The following INO80 variants were observed in gnomAD, a reference collection of about 807,000 sequenced individuals.
The protein encoded by INO80 is chromatin-remodeling ATPase INO80.
A neutral mutation model predicts 203.4 loss-of-function variants in INO80; 20 were observed. The ratio of observed to expected loss-of-function variants is 0.10; its 90% CI spans 0.07 to 0.14. INO80 has a LOEUF of 0.14. Ranked by LOEUF, INO80 falls within the 10% of genes least tolerant of loss-of-function variation. The pLI, the probability that INO80 is intolerant of heterozygous loss-of-function variation, is 1.00. For missense variants in INO80, 1,419 were observed against 1,914.4 expected (o/e 0.74, Z 4.83); for synonymous variants, 726 against 685.2 (o/e 1.06, Z -0.93).
At position 41,066,058 on chromosome 15, in the gene INO80, A is replaced by C. The variant is rs563176635; in HGVS notation, c.1782+3512T>G. On this transcript the variant is annotated intron_variant, in intron 14 of 35. Coordinates refer to ENST00000648947, the MANE Select transcript of INO80 (RefSeq NM_017553.3). Reference sequence around the variant, plus strand: ...CCCAGGCACAATCTCGGCTCACCACAACCTCTGCCTCCTGGGTTCAAGCGA... The same window carrying C: ...CCCAGGCACAATCTCGGCTCACCACCACCTCTGCCTCCTGGGTTCAAGCGA... Among the ~76,000 whole-genome samples, 403 of 149,204 alleles carry C rather than the reference A, an allele frequency of 2.7e-3. 2 individuals are homozygous for C. The highest frequency in any genetic ancestry group is 4.9e-3 in the Non-Finnish European group (328 of 67,616).
chr15:41,067,251 A>T (rs2045237412), intron 14 of INO80, among the ~76,000 whole-genome samples: 1 of 151,840 alleles, frequency 6.6e-6, no homozygotes, highest in Non-Finnish European at 1.5e-5. Flanking sequence ...TGATTTTTGT[A>T]TTTTTAGTAG....
chr15:41,061,741 GAATC>G (rs1396713420), intron 14 of INO80, among the ~76,000 whole-genome samples: 1 of 152,022 alleles, frequency 6.6e-6, no homozygotes, highest in African/African-American at 2.4e-5. Context: ...AATTATAAAA[GAATC>G]AAAGCGAATT....
At chr15:41,029,922 C>T (rs776930224) in intron 24 of INO80, among the ~76,000 whole-genome samples, 2 of 152,202 alleles carry the variant, frequency 1.3e-5, no homozygotes, top group Non-Finnish European at 2.9e-5. Flanking sequence ...CTGCTCATCA[C>T]CGCCAGCTAA....
rs1053676666 is a variant in INO80, at chr15:41,085,492, G to C, written c.750C>G (p.Val250=). The C allele has an allele frequency of 6.2e-7, 1 of 1,614,196 alleles. No homozygotes were observed. Among genetic ancestry groups the C allele is most frequent in the Non-Finnish European group, 8.5e-7 (1 of 1,180,044 alleles). ...GTGCATCGTGAGAAAACTTGGCAAAGACTTTGGTCTGGTGGTGATGGCGAC... is the reference window on the plus strand; with the variant it reads ...GTGCATCGTGAGAAAACTTGGCAAACACTTTGGTCTGGTGGTGATGGCGAC... ...SPRRHHHQTK[V]FAKFSHDAPP... Residue 250 remains valine, a synonymous_variant, in exon 7 of 36, where the codon GTC becomes GTG. Transcript: ENST00000648947.
intron 29 of INO80, among the ~76,000 whole-genome samples, chr15:40,988,235 TG>T (rs1294307505): frequency 6.6e-6 from 1 of 152,216 alleles, no homozygotes; most frequent in African/African-American, 2.4e-5. Flanking sequence ...TAAAACGTAG[TG>T]TTTAGTACAT....
chr15:41,024,139 G>C (rs1224305625), intron 25 of INO80, among the ~76,000 whole-genome samples: 1 of 152,074 alleles, frequency 6.6e-6, no homozygotes, highest in Non-Finnish European at 1.5e-5. Context: ...CCAGGTCTAG[G>C]ATTGAATGCT....
rs377154142 is a variant in INO80 at position 41,066,730 on chromosome 15, T to C, written c.1782+2840A>G. On this transcript the variant is annotated intron_variant, in intron 14 of 35. Transcript: ENST00000648947. The stretch of plus-strand genomic sequence containing the variant: ...CGGTAGTCCTAGCTACTTGGGAGGC[T>C]GATGTGGGAGAATGGCTTGAGGTGG... 3.4e-5 allele frequency among the ~76,000 whole-genome samples: 5 copies of C among 149,140 alleles called. No homozygotes were observed. The East Asian group carries it at 9.9e-4, about 30-fold the overall frequency.
At chr15:41,008,220 T>TACACACACACACACAC (rs1195483829) in intron 27 of INO80, among the ~76,000 whole-genome samples, 1 of 30,052 alleles carries the variant, frequency 3.3e-5, no homozygotes, top group African/African-American at 8.8e-5. Flanking sequence ...GTGATATATA[T>TACACACACACACACAC]ACATACACAC....
intron 31 of INO80, among the ~76,000 whole-genome samples, chr15:40,985,899 C>T (rs889749884): frequency 1.3e-5 from 2 of 152,080 alleles, no homozygotes; most frequent in Non-Finnish European, 2.9e-5. Context: ...CACAGCAAAA[C>T]TCTGTCTAAA....
intron 26 of INO80, among the ~76,000 whole-genome samples, chr15:41,019,973 G>C (rs2044266042): frequency 6.6e-6 from 1 of 152,200 alleles, no homozygotes; most frequent in Non-Finnish European, 1.5e-5. Flanking sequence ...TGTAATCCCA[G>C]CACTTTGGGA....
Position 41,115,363 on chromosome 15 carries a change from T to C in INO80, c.-44+610A>G, listed in dbSNP as rs569733475. Among the ~76,000 whole-genome samples the C allele has an allele frequency of 7.2e-5, 11 of 152,294 alleles. No homozygotes were observed. In the East Asian group the frequency reaches 9.6e-4, roughly 13 times the overall value. ...CTCAAGAAGGAATGTCAAAATAGGATGACACTTTCCTAGTCGCTATGTAAA... is the reference window on the plus strand; with the variant it reads ...CTCAAGAAGGAATGTCAAAATAGGACGACACTTTCCTAGTCGCTATGTAAA... On this transcript the variant is annotated intron_variant, in intron 1 of 35. Transcript: ENST00000648947.
In INO80 at chr15:41,105,201, A is replaced by G. The variant is rs117170888; in HGVS notation, c.-43-8848T>C. ...ATGTGGTCTAACAATCAACAAGGAGATATGTTTACATCAAACCAGGTGGTT... is the reference window on the plus strand; with the variant it reads ...ATGTGGTCTAACAATCAACAAGGAGGTATGTTTACATCAAACCAGGTGGTT... On this transcript the variant is annotated intron_variant, in intron 1 of 35. Transcript: ENST00000648947. Among the ~76,000 whole-genome samples, 153 of 152,294 alleles carry G rather than the reference A, an allele frequency of 1.0e-3. 5 individuals are homozygous for G. The East Asian group carries it at 0.025, about 25-fold the overall frequency.
chr15:40,997,546 G>T lies in INO80; in HGVS notation c.3553C>A (p.Leu1185Ile). ...STRAGGLGIN[L>I]TAADTVIFYD... ...TTACTTACTGTGTCTGCAGCAGTGA[G>T]ATTGATACCCAGTCCTCCAGCTCGT... Residue 1185 changes from leucine to isoleucine, a missense_variant, in exon 29 of 36, where the codon CTC becomes ATC. Around this residue, in one of 9 missense-constraint regions of INO80, gnomAD observed 65 missense variants for 186.7 expected, o/e 0.35. Transcript: ENST00000648947. The T allele has an allele frequency of 6.2e-7, 1 of 1,610,468 alleles. No individual in the cohort carries two copies. The highest frequency in any genetic ancestry group is 8.5e-7 in the Non-Finnish European group (1 of 1,176,780).
intron 23 of INO80, among the ~76,000 whole-genome samples, chr15:41,046,206 C>CATACATACATAT (rs1268610100): frequency 2.1e-4 from 3 of 14,418 alleles, no homozygotes; most frequent in African/African-American, 6.8e-4. Context: ...CGTATACATA[C>CATACATACATAT]ATATATATAT....
At chr15:40,983,390 G>C (rs1443211066) in intron 34 of INO80, among the ~76,000 whole-genome samples, 1 of 152,088 alleles carries the variant, frequency 6.6e-6, no homozygotes, top group Non-Finnish European at 1.5e-5. Context: ...GGACTCATCT[G>C]CACACTCTAA....
chr15:41,066,774 G>C (rs984904210), intron 14 of INO80, among the ~76,000 whole-genome samples: 85 of 141,256 alleles, frequency 6.0e-4, no homozygotes, highest in Non-Finnish European at 7.2e-4. Flanking sequence ...GCTGCGGTGA[G>C]CTATGATCAC....
intron 9 of INO80, among the ~76,000 whole-genome samples, chr15:41,077,080 T>A (rs193229536): frequency 3.9e-4 from 59 of 152,182 alleles, no homozygotes; most frequent in Middle Eastern, 3.4e-3. Context: ...GCTAATTTTT[T>A]GTATTTTTAG....
At chr15:41,097,045 C>G (rs1260020010) in intron 1 of INO80, among the ~76,000 whole-genome samples, 1 of 152,208 alleles carries the variant, frequency 6.6e-6, no homozygotes, top group African/African-American at 2.4e-5. Flanking sequence ...GACACAATCA[C>G]ACAATCACAC....
intron 27 of INO80, among the ~76,000 whole-genome samples, chr15:41,009,693 T>A (rs1302031268): frequency 1.3e-5 from 2 of 152,076 alleles, no homozygotes; most frequent in African/African-American, 4.8e-5. Flanking sequence ...GCTCAAATGA[T>A]CCTCTCACCT....
Sources: allele counts gnomAD v4.1 joint callset (sites outside exome capture counted in the v4.1 genomes callset), GRCh38; gene constraint gnomAD v4.1.1; regional missense constraint gnomAD v4.1.1; transcripts MANE v1.5; gene names NCBI Gene and HGNC (gene_info 2026-07-23, HGNC 2026-07-21).